ADGRD2: variants seen among roughly 807,000 people sequenced by gnomAD.
ADGRD2 encodes the protein adhesion G protein-coupled receptor D2, also known as G protein-coupled receptor PGR24.
In ADGRD2, 71 loss-of-function variants were observed where a neutral mutation model predicts 44.4. That is an observed-to-expected ratio of 1.60 (90% CI 1.32 to 1.95). The LOEUF (loss-of-function observed/expected upper bound fraction) is 1.95. ADGRD2 is among the 30% of genes most tolerant of loss of function. The pLI is 0.00. For synonymous variants in ADGRD2, 481 were observed against 224.8 expected, an observed-to-expected ratio of 2.14 and a Z score of -10.19; for missense variants, 1,039 against 512.4, an observed-to-expected ratio of 2.03 and a Z score of -9.92.
intron 2 of ADGRD2, 71 bp from the exon 6 acceptor site, chr9:124,452,964 A>G (rs1232902922): frequency 6.6e-6 from 4 of 605,844 alleles, no homozygotes; most frequent in African/African-American, 5.6e-5. Flanking sequence ...CCCACCGCTG[A>G]GCCAAAGGGC....
intron 6 of ADGRD2, among the ~76,000 whole-genome samples, chr9:124,456,063 T>C (rs1253722477): frequency 6.6e-6 from 1 of 152,204 alleles, no homozygotes; most frequent in African/African-American, 2.4e-5. Context: ...AAGCCCATAG[T>C]TGATTAGGGA....
chr9:124,452,489 C>A (rs949461094), intron 1 of ADGRD2, 21 bp from the exon 5 acceptor site: 2 of 718,384 alleles, frequency 2.8e-6, no homozygotes, highest in Admixed American at 2.0e-5. Context: ...CACCCCCCAC[C>A]GTCTCTCTTA....
chr9:124,462,479 A>G (rs1239675613), intron 10 of ADGRD2, among the ~76,000 whole-genome samples: 1 of 152,238 alleles, frequency 6.6e-6, no homozygotes. Context: ...TTTCATTAAC[A>G]TCGCATTGAC....
At chr9:124,475,292 G>A (rs972675139) in intron 17 of ADGRD2, among the ~76,000 whole-genome samples, 154 bp from the exon 21 acceptor site, 19 of 152,338 alleles carry the variant, frequency 1.2e-4, no homozygotes, top group Middle Eastern at 3.4e-3. Flanking sequence ...AGGCGGGCAC[G>A]AGGGCAGGGC....
At position 124,458,818 on chromosome 9, in the gene ADGRD2, C is replaced by T. The variant is rs550639301; in HGVS notation, c.1870+97C>T. ...TATTTATCCAATGGACAACCAAGGC[C>T]TAATAATGCACACAAAAGGTACCTG... On this transcript the variant is annotated intron_variant, in intron 10 of 21. Transcript: ENST00000334810. 123 of 646,234 alleles carry T rather than the reference C, an allele frequency of 1.9e-4. 1 individual carries two copies. The South Asian group carries it at 2.2e-3, about 11-fold the overall frequency. The allele number at this position is 646,234 out of a possible 1,614,324, so 40.0% of individuals were successfully genotyped here.
At chr9:124,453,568 C>T (rs1228400714) in exon 3 of ADGRD2, 1 of 697,898 alleles carries the variant, frequency 1.4e-6, no homozygotes. Context: ...GCACCGGGCA[C>T]GGGCCTGCGC....
chr9:124,459,500 A>C (rs1312584822), intron 10 of ADGRD2, among the ~76,000 whole-genome samples: 1 of 152,138 alleles, frequency 6.6e-6, no homozygotes, highest in Admixed American at 6.5e-5. Flanking sequence ...TCTCAAAAAA[A>C]AAAAAAAGTT....
intron 17 of ADGRD2, among the ~76,000 whole-genome samples, chr9:124,474,616 G>A (rs921521345): frequency 6.6e-6 from 1 of 152,092 alleles, no homozygotes; most frequent in African/African-American, 2.4e-5. Flanking sequence ...GGAATTCCAG[G>A]CCCCCACCTG....
chr9:124,468,245 G>C, intron 13 of ADGRD2, 55 bp downstream of exon 16: 1 of 716,462 alleles, frequency 1.4e-6, no homozygotes, highest in South Asian at 1.5e-5. Flanking sequence ...AAGTGCCTGT[G>C]GGCTTTTCTA....
exon 8 of ADGRD2, chr9:124,457,563 T>C (rs1230115207): frequency 4.4e-6 from 3 of 681,936 alleles, no homozygotes; most frequent in Non-Finnish European, 5.4e-6. Context: ...GGCCCGGCCA[T>C]ATCCACATTC....
intron 7 of ADGRD2, 69 bp downstream of exon 10, chr9:124,456,802 C>T: frequency 1.4e-6 from 1 of 698,176 alleles, no homozygotes; most frequent in Non-Finnish European, 2.6e-6. Flanking sequence ...TGACTGGGAG[C>T]TGTCTGAACT....
At chr9:124,469,222 G>T in exon 15 of ADGRD2, 1 of 713,006 alleles carries the variant, frequency 1.4e-6, no homozygotes, top group Non-Finnish European at 2.6e-6. Flanking sequence ...CCTCTCCCAG[G>T]CGTGCCTGTG....
At chr9:124,466,232 C>A (rs1471584071) in intron 10 of ADGRD2, 26 bp from the exon 14 acceptor site, 1 of 579,818 alleles carries the variant, frequency 1.7e-6, no homozygotes, top group Non-Finnish European at 3.3e-6. Flanking sequence ...TCTGGCCCCT[C>A]ACCCCCTTGT....
At chr9:124,472,847 C>T (rs946251870) in intron 17 of ADGRD2, among the ~76,000 whole-genome samples, 9 of 152,224 alleles carry the variant, frequency 5.9e-5, no homozygotes, top group African/African-American at 2.2e-4. Flanking sequence ...CTCCATCTCC[C>T]TGTGCATGAC....
chr9:124,468,432 G>A lies in ADGRD2; in HGVS notation c.2234-87G>A, dbSNP rs117803475. On this transcript the variant is annotated intron_variant, in intron 13 of 21. Transcript: ENST00000334810. ...CACCCACTGAGACTTCTTTGGGTTG[G>A]CAAGGCCGGGCTGGGCATGGGCCGC... 1,871 of 709,874 alleles carry A rather than the reference G, an allele frequency of 2.6e-3. 44 individuals carry two copies. The East Asian group carries it at 0.046, about 18-fold the overall frequency. 44.0% of individuals were successfully genotyped at this position (709,874 alleles called of 1,614,324 possible).
upstream of ADGRD2, among the ~76,000 whole-genome samples, chr9:124,450,907 A>G (rs149186005): frequency 3.1e-3 from 470 of 152,330 alleles, 4 homozygotes; most frequent in East Asian, 0.03. Context: ...GTGTAAAGCC[A>G]GGGCTGGAGC....
At chr9:124,461,324 G>T (rs1057069176) in intron 10 of ADGRD2, among the ~76,000 whole-genome samples, 4 of 152,160 alleles carry the variant, frequency 2.6e-5, no homozygotes, top group Admixed American at 2.0e-4. Context: ...TTTTTGTCTT[G>T]CATAGCTCAT....
intron 1 of ADGRD2, 50 bp from the exon 5 acceptor site, chr9:124,452,460 G>A (rs1462692338): frequency 1.4e-6 from 1 of 717,718 alleles, no homozygotes; most frequent in Admixed American, 2.0e-5. Context: ...CCCTGGAAGA[G>A]TCAGATGCCC....
intron 11 of ADGRD2, chr9:124,466,756 G>C: frequency 5.9e-6 from 1 of 168,122 alleles, no homozygotes. Context: ...GCTGCAGTGA[G>C]CCAAGGTCAC....
Sources: gnomAD v4.1 joint callset for allele counts (sites outside exome capture counted in the v4.1 genomes callset) on GRCh38, gnomAD v4.1.1 for gene constraint, MANE v1.5 for transcripts, NCBI Gene and HGNC (gene_info 2026-07-23, HGNC 2026-07-21) for gene names.